CDK6: variants seen among roughly 807,000 people sequenced by gnomAD.
CDK6 encodes the protein cyclin-dependent kinase 6.
CDK6 carries 6 observed loss-of-function variants against 37.1 expected under a neutral mutation model. The ratio of observed to expected loss-of-function variants is 0.16; its 90% CI spans 0.09 to 0.32. The LOEUF is 0.32. Ranked by LOEUF, CDK6 falls within the 10% of genes least tolerant of loss-of-function variation. CDK6 has a pLI of 1.00. For synonymous variants in CDK6, 160 were observed against 161.3 expected, an observed-to-expected ratio of 0.99 and a Z score of 0.06; for missense variants, 224 against 418.9, an observed-to-expected ratio of 0.53 and a Z score of 4.06.
intron 2 of CDK6, among the ~76,000 whole-genome samples, chr7:92,805,849 T>A (rs148382620): frequency 8.8e-4 from 134 of 152,306 alleles, no homozygotes; most frequent in African/African-American, 3.1e-3. Flanking sequence ...CTAAGGTTAC[T>A]GGCTATGGCA....
chr7:92,723,782 G>A (rs1798421557), intron 4 of CDK6, among the ~76,000 whole-genome samples: 2 of 151,806 alleles, frequency 1.3e-5, no homozygotes, highest in Non-Finnish European at 2.9e-5. Flanking sequence ...GAAAAATTGT[G>A]TATTTATGAC....
intron 4 of CDK6, among the ~76,000 whole-genome samples, chr7:92,721,453 C>G (rs1199766058): frequency 6.6e-6 from 1 of 152,138 alleles, no homozygotes; most frequent in East Asian, 1.9e-4. Context: ...AGATCCAGGT[C>G]AGGGGCCCCT....
intron 2 of CDK6, among the ~76,000 whole-genome samples, chr7:92,789,690 C>G (rs1800235031): frequency 1.3e-5 from 2 of 152,136 alleles, no homozygotes; most frequent in Non-Finnish European, 2.9e-5. Context: ...GAATTTACCA[C>G]TTAAGAGCCC....
chr7:92,770,529 G>A (rs568761029), intron 3 of CDK6, among the ~76,000 whole-genome samples: 1 of 152,144 alleles, frequency 6.6e-6, no homozygotes, highest in East Asian at 1.9e-4. Flanking sequence ...ACCTTTATTA[G>A]TACTTATGGC....
intron 2 of CDK6, among the ~76,000 whole-genome samples, chr7:92,824,424 A>G (rs997488698): frequency 2.0e-4 from 31 of 152,172 alleles, no homozygotes; most frequent in Non-Finnish European, 1.5e-5. Flanking sequence ...TGAATAGTCA[A>G]ATACAGAAGA....
At chr7:92,820,614 G>GA (rs1336518339) in intron 2 of CDK6, among the ~76,000 whole-genome samples, 1 of 152,026 alleles carries the variant, frequency 6.6e-6, no homozygotes, top group African/African-American at 2.4e-5. Context: ...GTGAAAGTAT[G>GA]AAAAATTGAA....
intron 4 of CDK6, among the ~76,000 whole-genome samples, chr7:92,701,335 C>A (rs1797836498): frequency 6.6e-6 from 1 of 152,032 alleles, no homozygotes; most frequent in African/African-American, 2.4e-5. Context: ...AAGGTTTATT[C>A]ACTTGATTAA....
Position 92,647,048 on chromosome 7 carries a change from T to C in CDK6, c.648-23962A>G, listed in dbSNP as rs138322598. Among the ~76,000 whole-genome samples the C allele has an allele frequency of 6.1e-3, 923 of 152,332 alleles. 7 individuals are homozygous for C. The highest frequency in any genetic ancestry group is 0.021 in the African/African-American group (860 of 41,570). On this transcript the variant is annotated intron_variant, in intron 5 of 7. Coordinates refer to ENST00000424848, the MANE Select transcript of CDK6 (RefSeq NM_001145306.2). ...AAAGGCAAGGAGCAAACGATGCATT[T>C]GGCCCATTTTATGCCAGAGCTACTC...
chr7:92,640,217 G>A (rs1354446677), intron 5 of CDK6, among the ~76,000 whole-genome samples: 3 of 152,194 alleles, frequency 2.0e-5, no homozygotes, highest in Non-Finnish European at 4.4e-5. Context: ...ACTGGAAACA[G>A]CTGGTGTTAA....
At chr7:92,658,211 A>C (rs549983724) in intron 5 of CDK6, among the ~76,000 whole-genome samples, 1 of 152,352 alleles carries the variant, frequency 6.6e-6, no homozygotes, top group South Asian at 2.1e-4. Flanking sequence ...GCACAATTTA[A>C]AAAATTTGCA....
chr7:92,779,571 TCAGA>T (rs1166515242), intron 2 of CDK6, among the ~76,000 whole-genome samples: 1 of 152,216 alleles, frequency 6.6e-6, no homozygotes, highest in Admixed American at 6.5e-5. Context: ...TAGAGACTTC[TCAGA>T]CATTCACAAA....
chr7:92,795,639 G>A (rs1253464969), intron 2 of CDK6, among the ~76,000 whole-genome samples: 4 of 151,924 alleles, frequency 2.6e-5, no homozygotes, highest in African/African-American at 7.3e-5. Flanking sequence ...TAAAACAATA[G>A]AAGAGAACTA....
intron 2 of CDK6, among the ~76,000 whole-genome samples, chr7:92,818,792 C>G (rs746211149): frequency 2.6e-5 from 4 of 152,066 alleles, no homozygotes; most frequent in South Asian, 4.1e-4. Context: ...CAGAAGGTAT[C>G]AGAATGGTCA....
intron 2 of CDK6, among the ~76,000 whole-genome samples, chr7:92,790,250 T>C (rs1732257124): frequency 6.6e-6 from 1 of 152,184 alleles, no homozygotes; most frequent in Admixed American, 6.6e-5. Context: ...GATTGTTTCA[T>C]TTCCCCACAT....
chr7:92,820,686 G>A lies in CDK6; in HGVS notation c.233+12405C>T, dbSNP rs552608299. On this transcript the variant is annotated intron_variant, in intron 2 of 7. Coordinates refer to ENST00000424848, the MANE Select transcript of CDK6 (RefSeq NM_001145306.2). ...AAAATATCCCTATCTCACAGAAAGC[G>A]AAGGAAATACACAGTAATATTAACA... is the stretch of plus-strand genomic sequence containing the variant. 3.3e-5 allele frequency among the ~76,000 whole-genome samples: 5 copies of A among 152,092 alleles called. 1 individual carries two copies. The highest frequency in any genetic ancestry group is 1.9e-4 in the East Asian group (1 of 5,174).
At chr7:92,677,752 A>G (rs971110140) in intron 4 of CDK6, among the ~76,000 whole-genome samples, 3 of 152,234 alleles carry the variant, frequency 2.0e-5, no homozygotes, top group African/African-American at 7.2e-5. Context: ...TGGCTGTTCT[A>G]TAATTTCTGA....
At chr7:92,810,037 G>A (rs1800833944) in intron 2 of CDK6, among the ~76,000 whole-genome samples, 2 of 152,192 alleles carry the variant, frequency 1.3e-5, no homozygotes, top group African/African-American at 4.8e-5. Context: ...GAAGCAGCAT[G>A]AACCCTAACA....
At chr7:92,685,912 G>T (rs1022165580) in intron 4 of CDK6, among the ~76,000 whole-genome samples, 10 of 152,100 alleles carry the variant, frequency 6.6e-5, no homozygotes, top group Non-Finnish European at 1.3e-4. Context: ...GCTGCTTTCC[G>T]TTCTTTTGTT....
intron 5 of CDK6, among the ~76,000 whole-genome samples, chr7:92,666,307 C>T (rs923838226): frequency 1.3e-5 from 2 of 152,188 alleles, no homozygotes; most frequent in Admixed American, 6.5e-5. Context: ...ATTGTGCAGG[C>T]AATGGATTTT....
Sources: allele counts gnomAD v4.1 joint callset (sites outside exome capture counted in the v4.1 genomes callset), GRCh38; gene constraint gnomAD v4.1.1; transcripts MANE v1.5; gene names NCBI Gene and HGNC (gene_info 2026-07-23, HGNC 2026-07-21).